Variants in TMEM40 observed in about 807,000 individuals in gnomAD.
TMEM40 encodes transmembrane protein 40.
Under a neutral mutation model 40.8 loss-of-function variants are expected in TMEM40, and 34 were observed. That is an observed-to-expected ratio of 0.83 (90% CI 0.63 to 1.11). TMEM40 has a LOEUF of 1.11. Among genes scored for constraint, TMEM40 ranks in the 50% least tolerant of loss-of-function variants. The probability of loss-of-function intolerance (pLI) is 0.00; values close to 1 mark genes in which losing one functional copy is unlikely to be tolerated. For synonymous variants in TMEM40, 106 were observed against 107.0 expected (o/e 0.99, Z 0.06); for missense variants, 296 against 280.2 (o/e 1.06, Z -0.40).
chr3:12,765,155 C>G (rs1175340183), intron 1 of TMEM40, among the ~76,000 whole-genome samples: 1 of 151,994 alleles, frequency 6.6e-6, no homozygotes, highest in Non-Finnish European at 1.5e-5. Flanking sequence ...CCGCGCCTGG[C>G]CTGAAGTTAA....
chr3:12,752,516 C>T (rs772519876), intron 1 of TMEM40, among the ~76,000 whole-genome samples: 11 of 151,926 alleles, frequency 7.2e-5, no homozygotes, highest in African/African-American at 1.2e-4. Flanking sequence ...TGCCCAGGAC[C>T]GGCCGGGCGC....
At chr3:12,740,921 A>T (rs1216737818) in intron 5 of TMEM40, among the ~76,000 whole-genome samples, 1 of 151,904 alleles carries the variant, frequency 6.6e-6, no homozygotes, top group Non-Finnish European at 1.5e-5. Context: ...CCATTCTGTG[A>T]GCCAGATAAA....
At chr3:12,737,662 C>G in intron 8 of TMEM40, 45 bp downstream of exon 8, 1 of 1,597,714 alleles carries the variant, frequency 6.3e-7, no homozygotes. Flanking sequence ...CCCTAGAAAT[C>G]TAGCCAGACA....
At chr3:12,766,228 G>A (rs79836208) in intron 1 of TMEM40, among the ~76,000 whole-genome samples, 4 of 152,020 alleles carry the variant, frequency 2.6e-5, no homozygotes, top group Admixed American at 6.6e-5. Flanking sequence ...GCAACTGTTT[G>A]TTGGCCATTT....
intron 1 of TMEM40, among the ~76,000 whole-genome samples, chr3:12,753,673 A>C (rs916292731): frequency 2.0e-5 from 3 of 152,026 alleles, no homozygotes; most frequent in Non-Finnish European, 2.9e-5. Flanking sequence ...TGGTTAGAGG[A>C]CTCTAGCACC....
chr3:12,737,212 C>A (rs920866227), intron 8 of TMEM40, among the ~76,000 whole-genome samples: 6 of 147,120 alleles, frequency 4.1e-5, no homozygotes, highest in African/African-American at 1.3e-4. Context: ...TACAAAAAAT[C>A]TCTGTGTGGA....
Position 12,734,675 on chromosome 3 carries a change from C to G in TMEM40, c.*99G>C. On this transcript the variant is annotated 3_prime_UTR_variant, in exon 12 of 12. Transcript: ENST00000314124. ...TCTGTTTATTGGTCTGGCTTGGTCTCCTGTGCGTCTCTCAGAATGCTGCTC... is the reference window on the plus strand; with the variant it reads ...TCTGTTTATTGGTCTGGCTTGGTCTGCTGTGCGTCTCTCAGAATGCTGCTC... The G allele has an allele frequency of 7.2e-7, 1 of 1,395,834 alleles. No homozygotes were observed. Among genetic ancestry groups the G allele is most frequent in the Non-Finnish European group, 9.8e-7 (1 of 1,016,566 alleles). 86.5% of individuals were successfully genotyped at this position (1,395,834 alleles called of 1,614,324 possible).
chr3:12,760,109 T>C (rs2061558683), upstream of TMEM40, among the ~76,000 whole-genome samples: 1 of 152,166 alleles, frequency 6.6e-6, no homozygotes, highest in African/African-American at 2.4e-5. Flanking sequence ...GAAAATCCTG[T>C]TGGTCCTGCC....
chr3:12,763,986 G>A (rs561751498), upstream of TMEM40, among the ~76,000 whole-genome samples: 1 of 152,100 alleles, frequency 6.6e-6, no homozygotes, highest in African/African-American at 2.4e-5. Flanking sequence ...CGTGATTTCG[G>A]CTCACTGCAG....
Position 12,734,810 on chromosome 3 carries a change from A to G in TMEM40, c.683-17T>C, listed in dbSNP as rs2061326518. 1.9e-6 allele frequency: 3 copies of G among 1,597,192 alleles called. No individual in the cohort carries two copies. The African/African-American group carries it at 4.0e-5, about 21-fold the overall frequency. On this transcript the variant is annotated splice_polypyrimidine_tract_variant and intron_variant, in intron 11 of 11. Transcript: ENST00000314124. ...TCCTGAACCCTGGAAGGCAAAGACCACAGGATGGCATGGGATTCTGAAGGC... is the reference window on the plus strand; with the variant it reads ...TCCTGAACCCTGGAAGGCAAAGACCGCAGGATGGCATGGGATTCTGAAGGC...
intron 3 of TMEM40, among the ~76,000 whole-genome samples, chr3:12,744,742 G>A (rs1268669857): frequency 1.3e-5 from 2 of 152,196 alleles, no homozygotes; most frequent in Non-Finnish European, 2.9e-5. Context: ...AGGTCCAGAA[G>A]ACTCCTTTAT....
chr3:12,734,528 C>A lies in TMEM40; in HGVS notation c.*246G>T. On this transcript the variant is annotated 3_prime_UTR_variant, in exon 12 of 12. Transcript: ENST00000314124. ...TGCTGGTCCAGGTACTGTGAAGCCTCAGGCCCCACACCCACCCTCTGCCTT... is the reference window on the plus strand; with the variant it reads ...TGCTGGTCCAGGTACTGTGAAGCCTAAGGCCCCACACCCACCCTCTGCCTT... The A allele has an allele frequency of 1.9e-6, 1 of 524,044 alleles. No individual in the cohort carries two copies. 32.5% of individuals were successfully genotyped at this position (524,044 alleles called of 1,614,324 possible). A position where few individuals can be genotyped will look rare whatever the true frequency, so the allele number is the denominator to read the frequency against.
intron 3 of TMEM40, among the ~76,000 whole-genome samples, chr3:12,745,668 C>T (rs2061421636): frequency 6.6e-6 from 1 of 151,750 alleles, no homozygotes; most frequent in Non-Finnish European, 1.5e-5. Flanking sequence ...ACGCTGGTCT[C>T]GAACTCCTGG....
At chr3:12,758,590 T>C (rs1214805463) in intron 1 of TMEM40, among the ~76,000 whole-genome samples, 1 of 152,016 alleles carries the variant, frequency 6.6e-6, no homozygotes, top group East Asian at 1.9e-4. Flanking sequence ...CCCCTCCCCA[T>C]GGCCCAGCTC....
chr3:12,767,146 A>G (rs1306789702), intron 1 of TMEM40, among the ~76,000 whole-genome samples: 1 of 152,186 alleles, frequency 6.6e-6, no homozygotes, highest in Non-Finnish European at 1.5e-5. Context: ...GAAGCTGGGG[A>G]GGTTAAGTAA....
At chr3:12,760,608 C>G (rs915143307), upstream of TMEM40, among the ~76,000 whole-genome samples, 21 of 152,134 alleles carry the variant, frequency 1.4e-4, no homozygotes, top group African/African-American at 5.1e-4. Context: ...AGTAGTAACC[C>G]CACACCAGCT....
At chr3:12,740,630 G>T (rs2061374877) in intron 5 of TMEM40, among the ~76,000 whole-genome samples, 1 of 151,912 alleles carries the variant, frequency 6.6e-6, no homozygotes, top group Non-Finnish European at 1.5e-5. Flanking sequence ...GGCCGAGGTG[G>T]GTAGATCACT....
chr3:12,758,846 G>C (rs9859880), intron 1 of TMEM40, among the ~76,000 whole-genome samples: 5,927 of 152,254 alleles, frequency 0.039, 392 homozygotes, highest in African/African-American at 0.14. Context: ...CAGAGATCTA[G>C]CTGGACCCTT....
chr3:12,737,970 T>C (rs2061350169), intron 7 of TMEM40, 166 bp downstream of exon 7: 1 of 1,037,536 alleles, frequency 9.6e-7, no homozygotes, highest in South Asian at 1.4e-5. Flanking sequence ...CTGCCTTCCT[T>C]TCCATTTCCC....
Sources: allele counts gnomAD v4.1 joint callset (sites outside exome capture counted in the v4.1 genomes callset), GRCh38; gene constraint gnomAD v4.1.1; transcripts MANE v1.5; gene names NCBI Gene and HGNC (gene_info 2026-07-23, HGNC 2026-07-21).